Variants in TJP3 observed in about 807,000 individuals in gnomAD.
The protein encoded by TJP3 is tight junction protein ZO-3.
A neutral mutation model predicts 104.2 loss-of-function variants in TJP3; 85 were observed. The ratio of observed to expected loss-of-function variants is 0.82; its 90% CI spans 0.68 to 0.98. The LOEUF (loss-of-function observed/expected upper bound fraction) is 0.98, where lower values mean the gene tolerates loss of function less well. Among genes scored for constraint, TJP3 ranks in the 50% least tolerant of loss-of-function variants. The pLI is 0.00. For missense variants in TJP3, 1,367 were observed against 1,322.8 expected (o/e 1.03, Z -0.52); for synonymous variants, 550 against 550.6 (o/e 1.00, Z 0.02).
chr19:3,709,656 G>C (rs559682999), intron 1 of TJP3, among the ~76,000 whole-genome samples: 1 of 152,300 alleles, frequency 6.6e-6, no homozygotes, highest in African/African-American at 2.4e-5. Context: ...GGACAGAGCG[G>C]CCCGGCATTT....
At chr19:3,710,254 G>A (rs982730712) in intron 1 of TJP3, among the ~76,000 whole-genome samples, 5 of 149,784 alleles carry the variant, frequency 3.3e-5, no homozygotes, top group Non-Finnish European at 7.4e-5. Context: ...GGTCATTCTG[G>A]GGTCAAGACG....
intron 14 of TJP3, among the ~76,000 whole-genome samples, chr19:3,743,166 A>T (rs942688568): frequency 6.6e-6 from 1 of 152,154 alleles, no homozygotes; most frequent in South Asian, 2.1e-4. Flanking sequence ...CAGGAGGCTA[A>T]GGCAGGAGAA....
chr19:3,723,176 G>A (rs1400834423), intron 1 of TJP3, among the ~76,000 whole-genome samples: 2 of 152,180 alleles, frequency 1.3e-5, no homozygotes, highest in African/African-American at 4.8e-5. Flanking sequence ...CATCGGGAGC[G>A]CTCAGACTGA....
Position 3,730,269 on chromosome 19 carries a change from G to A in TJP3, c.262-86G>A. 1 of 1,483,198 alleles carries A rather than the reference G, an allele frequency of 6.7e-7. No homozygotes were observed. The highest frequency in any genetic ancestry group is 9.2e-7 in the Non-Finnish European group (1 of 1,091,878). The allele number at this position is 1,483,198 out of a possible 1,614,324, so 91.9% of individuals were successfully genotyped here. A position where few individuals can be genotyped will look rare whatever the true frequency, so the allele number is the denominator to read the frequency against. ...GACATTGAGGCCCAGAGAGAGACTG[G>A]TGTCCCCCAGGGCCACCCGGGGGCT... is the stretch of plus-strand genomic sequence containing the variant. On this transcript the variant is annotated intron_variant, in intron 4 of 20. Transcript: ENST00000541714. This position sits in a 1 kb window ranked among gnomAD's most constrained non-coding sequence, Gnocchi z 7.3.
At chr19:3,744,760 C>T (rs996450979) in intron 15 of TJP3, among the ~76,000 whole-genome samples, 1 of 151,736 alleles carries the variant, frequency 6.6e-6, no homozygotes, top group Non-Finnish European at 1.5e-5. Context: ...AACCACATCT[C>T]TACTAAAAAC....
intron 6 of TJP3, among the ~76,000 whole-genome samples, chr19:3,732,424 CT>C (rs1276428987): frequency 2.0e-5 from 3 of 152,124 alleles, no homozygotes; most frequent in African/African-American, 7.2e-5. Flanking sequence ...GATTCTTCCC[CT>C]GAAAGTCTGT....
chr19:3,733,025 CTCTT>C lies in TJP3; in HGVS notation c.718-726_718-723del, dbSNP rs1220326717. ...TTTCTTTTCTCTTTTCTTTTCTCTT[CTCTT>C]TTTTCTTTTCTTTTCTTTCTTTTTG... On this transcript the variant is annotated intron_variant, in intron 6 of 20. Coordinates refer to ENST00000541714, the MANE Select transcript of TJP3 (RefSeq NM_001267560.2). 1.3e-4 allele frequency among the ~76,000 whole-genome samples: 14 copies of C among 108,768 alleles called. No homozygotes were observed. In the South Asian group the frequency reaches 1.4e-3, roughly 11 times the overall value. 71.4% of individuals were successfully genotyped at this position (108,768 alleles called of 152,430 possible).
Position 3,746,697 on chromosome 19 carries a change from T to C in TJP3, c.2221+2T>C, listed in dbSNP as rs1000743432. On this transcript the variant is annotated splice_donor_variant, in intron 17 of 20. Coordinates refer to ENST00000541714, the MANE Select transcript of TJP3 (RefSeq NM_001267560.2). LOFTEE classifies it high-confidence loss of function. The surrounding 1 kb of genome is among the most constrained non-coding windows in gnomAD (Gnocchi z 4.1). ...AACACAGCAGCCACCTCTTCACAGG[T>C]TGGGGGGTGGGTGTCCCAGGGTAGG... 12 of 1,609,686 alleles carry C rather than the reference T, an allele frequency of 7.5e-6. No individual in the cohort carries two copies. The highest frequency in any genetic ancestry group is 9.3e-6 in the Non-Finnish European group (11 of 1,178,110).
chr19:3,738,143 G>C (rs2145692995), intron 11 of TJP3, among the ~76,000 whole-genome samples: 1 of 152,256 alleles, frequency 6.6e-6, no homozygotes, highest in Non-Finnish European at 1.5e-5. Flanking sequence ...GTGACCCACT[G>C]TGTGTCCATA....
At chr19:3,744,875 C>T (rs927020903) in intron 15 of TJP3, among the ~76,000 whole-genome samples, 3 of 152,066 alleles carry the variant, frequency 2.0e-5, no homozygotes, top group African/African-American at 7.2e-5. Flanking sequence ...GTGCAGTGAG[C>T]AGAGATCACG....
Position 3,734,376 on chromosome 19 carries a change from CCCA to C in TJP3, c.936_938del (p.Pro313del), listed in dbSNP as rs1472637325. On this transcript the variant is annotated inframe_deletion, in exon 8 of 21. Transcript: ENST00000541714. Reference sequence around the variant, plus strand: ...TATCGCAGGCACCACCATCCCACATCCCACCACCACCCCGGCATGCTCAGCGGA... The same window carrying C: ...TATCGCAGGCACCACCATCCCACATCCCACCACCCCGGCATGCTCAGCGGA... The C allele has an allele frequency of 6.2e-7, 1 of 1,613,586 alleles. No individual in the cohort carries two copies. The highest frequency in any genetic ancestry group is 8.5e-7 in the Non-Finnish European group (1 of 1,179,994).
Position 3,721,802 on chromosome 19 carries a change from C to T in TJP3, c.-9-6622C>T, listed in dbSNP as rs549769343. ...CGGCCCTCAGCCCGCTGTGACTCTCCTCAGCCCCCTCCCCCAGCCCGGGGT... is the reference window on the plus strand; with the variant it reads ...CGGCCCTCAGCCCGCTGTGACTCTCTTCAGCCCCCTCCCCCAGCCCGGGGT... On this transcript the variant is annotated intron_variant, in intron 1 of 20. Transcript: ENST00000541714. The T allele has an allele frequency of 5.0e-5, 35 of 701,688 alleles. No homozygotes were observed. The African/African-American group carries it at 5.9e-4, about 12-fold the overall frequency. 43.5% of individuals were successfully genotyped at this position (701,688 alleles called of 1,614,324 possible). A position where few individuals can be genotyped will look rare whatever the true frequency, so the allele number is the denominator to read the frequency against.
chr19:3,713,538 G>A (rs2036451286), intron 1 of TJP3, among the ~76,000 whole-genome samples: 1 of 152,192 alleles, frequency 6.6e-6, no homozygotes, highest in Non-Finnish European at 1.5e-5. Context: ...CAAAGGGCCT[G>A]CGGAGAGACG....
At chr19:3,748,980 TC>T (rs2036949080) in intron 19 of TJP3, among the ~76,000 whole-genome samples, 1 of 146,764 alleles carries the variant, frequency 6.8e-6, no homozygotes, top group Non-Finnish European at 1.5e-5. Context: ...TCCCTCAGAC[TC>T]CCAGGTAGCT....
In TJP3 at chr19:3,747,975, A is replaced by G. The variant is rs759031819; in HGVS notation, c.2504A>G (p.Asp835Gly). ...GGGGGGCCCTACACGGATGTGGATGATGAGCCCCCGGCTCCAGCCCTGGCC... is the reference window on the plus strand; with the variant it reads ...GGGGGGCCCTACACGGATGTGGATGGTGAGCCCCCGGCTCCAGCCCTGGCC... ...GEGGPYTDVD[D>G]EPPAPALARS... Residue 835 changes from aspartate (D) to glycine (G), a missense_variant, in exon 19 of 21, where the codon GAT becomes GGT. Physicochemically the swap from Asp to Gly is moderately conservative, Grantham distance 94. Transcript: ENST00000541714. 2.5e-6 allele frequency: 4 copies of G among 1,612,568 alleles called. No homozygotes were observed. Among genetic ancestry groups the G allele is most frequent in the Non-Finnish European group, 3.4e-6 (4 of 1,179,742 alleles).
intron 1 of TJP3, among the ~76,000 whole-genome samples, chr19:3,713,865 G>A (rs933608274): frequency 1.0e-4 from 15 of 150,004 alleles, no homozygotes; most frequent in African/African-American, 3.7e-4. Context: ...ACAGGCGCCC[G>A]CCAACATGCC....
intron 1 of TJP3, among the ~76,000 whole-genome samples, chr19:3,713,737 A>G (rs984080570): frequency 2.6e-5 from 4 of 151,980 alleles, no homozygotes; most frequent in Admixed American, 6.6e-5. Context: ...TTTTTGAGAC[A>G]GAGTCTCGCT....
intron 1 of TJP3, among the ~76,000 whole-genome samples, chr19:3,715,190 C>T (rs934725004): frequency 2.6e-5 from 4 of 151,244 alleles, no homozygotes; most frequent in Non-Finnish European, 4.4e-5. Flanking sequence ...CCCGGGTTCA[C>T]GCCATTCTCC....
In TJP3 at chr19:3,732,022, G is replaced by T; in HGVS notation, c.701G>T (p.Gly234Val). The change falls in exon 6 of 21, where the codon GGA (glycine) becomes GTA (valine). Residue 234 changes from glycine (G) to valine (V), a missense_variant. Gly to Val is a moderately radical substitution (Grantham distance 109). Coordinates refer to ENST00000541714, the MANE Select transcript of TJP3 (RefSeq NM_001267560.2). The stretch of plus-strand genomic sequence containing the variant: ...GCCCGGCACCGTGGGCTGCAGGAAG[G>T]AGATCTCATTCTACAGGTGAGGCCG... ...LAARHRGLQE[G>V]DLILQINGVS... 6.2e-7 allele frequency: 1 copy of T among 1,612,908 alleles called. No homozygotes were observed. Among genetic ancestry groups the T allele is most frequent in the South Asian group, 1.1e-5 (1 of 90,868 alleles).
Sources: allele counts gnomAD v4.1 joint callset (sites outside exome capture counted in the v4.1 genomes callset), GRCh38; gene constraint gnomAD v4.1.1; non-coding constraint Gnocchi (gnomAD v3.1); transcripts MANE v1.5; gene names NCBI Gene and HGNC (gene_info 2026-07-23, HGNC 2026-07-21).